Variants in LRPPRC observed in about 807,000 individuals in gnomAD.
LRPPRC encodes the protein leucine-rich PPR motif-containing protein, mitochondrial.
In LRPPRC, 120 loss-of-function variants were observed where a neutral mutation model predicts 180.3. That is an observed-to-expected ratio of 0.67 (90% CI 0.57 to 0.77). The LOEUF is 0.77. LRPPRC is among the 30% of genes least tolerant of loss of function. LRPPRC has a pLI of 0.00. For synonymous variants in LRPPRC, 723 were observed against 600.0 expected (o/e 1.21, Z -3.00); for missense variants, 2,012 against 1,657.2 (o/e 1.21, Z -3.72).
At chr2:43,909,041 G>A (rs1029312066) in intron 30 of LRPPRC, among the ~76,000 whole-genome samples, 6 of 152,216 alleles carry the variant, frequency 3.9e-5, no homozygotes, top group Admixed American at 1.3e-4. Flanking sequence ...TACAGAATGG[G>A]AAATGGGAAG....
In LRPPRC at chr2:43,967,344, G is replaced by C. The variant is rs1572557609; in HGVS notation, c.1370-3638C>G. On this transcript the variant is annotated intron_variant, in intron 11 of 37. Transcript: ENST00000260665. ...TGGGAGGTCAAGGCTGACAGAGTGA[G>C]ACACTGTCTCCAAAACATCATGTTG... Among the ~76,000 whole-genome samples, 3 of 152,270 alleles carry C rather than the reference G, an allele frequency of 2.0e-5. No homozygotes were observed. The South Asian group carries it at 6.2e-4, about 32-fold the overall frequency.
chr2:43,993,600 TC>T (rs1368700114), intron 1 of LRPPRC, among the ~76,000 whole-genome samples: 1 of 152,052 alleles, frequency 6.6e-6, no homozygotes, highest in Non-Finnish European at 1.5e-5. Flanking sequence ...TTACAGGATG[TC>T]GGGTAGGAGA....
intron 1 of LRPPRC, 105 bp from the exon 2 acceptor site, chr2:43,982,539 T>C: frequency 1.2e-6 from 1 of 829,954 alleles, no homozygotes; most frequent in Non-Finnish European, 2.0e-6. Context: ...ACACCTAAAA[T>C]CACAGTACAA....
At chr2:43,899,197 T>A (rs775151011) in intron 34 of LRPPRC, 22 bp downstream of exon 34, 6 of 1,540,586 alleles carry the variant, frequency 3.9e-6, no homozygotes. Flanking sequence ...GCCCCACTGC[T>A]CCATGAGTGG....
intron 25 of LRPPRC, among the ~76,000 whole-genome samples, chr2:43,927,533 T>C (rs994025746): frequency 3.3e-5 from 5 of 152,228 alleles, no homozygotes; most frequent in Non-Finnish European, 7.3e-5. Context: ...TTTCTTACGT[T>C]ATTTGTTTTG....
At chr2:43,994,961 A>C (rs1674957697) in intron 1 of LRPPRC, among the ~76,000 whole-genome samples, 1 of 152,174 alleles carries the variant, frequency 6.6e-6, no homozygotes, top group East Asian at 1.9e-4. Flanking sequence ...CACTTACAGG[A>C]CGGGAGCGGT....
At position 43,888,682 on chromosome 2, in the gene LRPPRC, G is replaced by A. The variant is rs1670361113; in HGVS notation, c.4129-26C>T. ...CTGTTAAGGAGAAAAAAAGAGGGAA[G>A]TTAGAGATACCAGCAAGAGGTGATG... On this transcript the variant is annotated intron_variant, in intron 37 of 37. Coordinates refer to ENST00000260665, the MANE Select transcript of LRPPRC (RefSeq NM_133259.4). 5 of 1,326,704 alleles carry A rather than the reference G, an allele frequency of 3.8e-6. No individual in the cohort carries two copies. In the East Asian group the frequency reaches 1.1e-4, roughly 30 times the overall value. 82.2% of individuals were successfully genotyped at this position (1,326,704 alleles called of 1,614,324 possible). A position where few individuals can be genotyped will look rare whatever the true frequency, so the allele number is the denominator to read the frequency against.
At chr2:43,948,088 C>T in intron 18 of LRPPRC, 34 bp downstream of exon 18, 1 of 1,301,082 alleles carries the variant, frequency 7.7e-7, no homozygotes, top group Non-Finnish European at 1.1e-6. Context: ...GTAAGTTAAG[C>T]ATTTTATCCA....
chr2:43,975,921 T>C (rs1473998678), intron 6 of LRPPRC, among the ~76,000 whole-genome samples: 1 of 152,202 alleles, frequency 6.6e-6, no homozygotes, highest in East Asian at 1.9e-4. Context: ...AAAGAAAGAT[T>C]TGTGGAACAA....
At chr2:43,967,684 A>G (rs1271263176) in intron 11 of LRPPRC, among the ~76,000 whole-genome samples, 1 of 152,170 alleles carries the variant, frequency 6.6e-6, no homozygotes, top group African/African-American at 2.4e-5. Flanking sequence ...ACAGAGCGAG[A>G]CTCGGTCTCA....
chr2:43,958,759 T>C (rs1673222253), intron 13 of LRPPRC, among the ~76,000 whole-genome samples: 1 of 152,166 alleles, frequency 6.6e-6, no homozygotes, highest in Non-Finnish European at 1.5e-5. Flanking sequence ...TGACATTTCC[T>C]GTGATGTAGT....
intron 32 of LRPPRC, among the ~76,000 whole-genome samples, chr2:43,900,410 A>G (rs1245711328): frequency 6.6e-6 from 1 of 152,152 alleles, no homozygotes; most frequent in Non-Finnish European, 1.5e-5. Flanking sequence ...TACTGTTACA[A>G]TATATTTCTC....
intron 29 of LRPPRC, among the ~76,000 whole-genome samples, chr2:43,915,507 A>C (rs996177765): frequency 6.6e-6 from 1 of 151,850 alleles, no homozygotes; most frequent in Non-Finnish European, 1.5e-5. Context: ...AATATGGGGA[A>C]ACCCTGTCTC....
At chr2:43,903,060 C>T (rs535597693) in intron 31 of LRPPRC, 1 of 152,334 alleles carries the variant, frequency 6.6e-6, no homozygotes, top group South Asian at 2.1e-4. Flanking sequence ...GATCCCAGAG[C>T]TTCCGTCTAT....
chr2:43,918,776 AATAT>A lies in LRPPRC; in HGVS notation c.2897-382_2897-379del, dbSNP rs57965427. 2.2e-3 allele frequency among the ~76,000 whole-genome samples: 312 copies of A among 144,238 alleles called. 2 individuals are homozygous for A. The highest frequency in any genetic ancestry group is 0.011 in the Admixed American group (154 of 14,350). The allele number at this position is 144,238 out of a possible 152,430, so 94.6% of individuals were successfully genotyped here. On this transcript the variant is annotated intron_variant, in intron 27 of 37. Coordinates refer to ENST00000260665, the MANE Select transcript of LRPPRC (RefSeq NM_133259.4). ...CCTTTAGCGTTGCAAAGATCCTGGA[AATAT>A]ATATATATATAGATATATATATATA... is the stretch of plus-strand genomic sequence containing the variant.
chr2:43,992,482 T>C (rs1007852232), intron 1 of LRPPRC, among the ~76,000 whole-genome samples: 1 of 152,146 alleles, frequency 6.6e-6, no homozygotes, highest in Non-Finnish European at 1.5e-5. Context: ...CTCCAGCTCA[T>C]AAAGCACCTG....
intron 1 of LRPPRC, among the ~76,000 whole-genome samples, chr2:43,988,544 A>G (rs1674634410): frequency 6.6e-6 from 1 of 152,188 alleles, no homozygotes; most frequent in African/African-American, 2.4e-5. Flanking sequence ...CTAACAAGAA[A>G]GAAAAGAGAC....
intron 1 of LRPPRC, among the ~76,000 whole-genome samples, chr2:43,987,963 G>T (rs1180438860): frequency 8.6e-5 from 13 of 152,014 alleles, no homozygotes. Context: ...GAAACAACGG[G>T]CCAGGCACGG....
At chr2:43,974,988 T>C (rs1673987472) in intron 7 of LRPPRC, 103 bp downstream of exon 7, 5 of 1,237,474 alleles carry the variant, frequency 4.0e-6, no homozygotes, top group South Asian at 3.7e-5. Context: ...CAAGGAAACA[T>C]CTTTGAAAAC....
Sources: allele counts gnomAD v4.1 joint callset (sites outside exome capture counted in the v4.1 genomes callset), GRCh38; gene constraint gnomAD v4.1.1; transcripts MANE v1.5; gene names NCBI Gene and HGNC (gene_info 2026-07-23, HGNC 2026-07-21).